The following DIP2C variants were observed in gnomAD, a reference collection of about 807,000 sequenced individuals.
DIP2C encodes the protein disco-interacting protein 2 homolog C.
In DIP2C, 33 loss-of-function variants were observed where a neutral mutation model predicts 192.4. The observed-to-expected ratio is 0.17, with a 90% CI of 0.13 to 0.23. The LOEUF is 0.23. Among genes scored for constraint, DIP2C ranks in the 10% least tolerant of loss-of-function variants. DIP2C has a pLI of 1.00. For missense variants in DIP2C, 1,537 were observed against 2,110.1 expected (o/e 0.73, Z 5.32); for synonymous variants, 979 against 864.1 (o/e 1.13, Z -2.33).
chr10:568,285 C>CTT (rs1849563648), intron 1 of DIP2C, among the ~76,000 whole-genome samples: 1 of 152,218 alleles, frequency 6.6e-6, no homozygotes. Context: ...ACCTGCAGTG[C>CTT]TTTCTCCTTG....
intron 3 of DIP2C, among the ~76,000 whole-genome samples, chr10:471,814 G>A (rs542156968): frequency 1.8e-4 from 27 of 152,212 alleles, no homozygotes; most frequent in South Asian, 1.0e-3. Flanking sequence ...GTGCAGTGGC[G>A]TGATCTCGGC....
chr10:409,755 A>C (rs922042121), intron 8 of DIP2C, among the ~76,000 whole-genome samples: 1 of 152,340 alleles, frequency 6.6e-6, no homozygotes, highest in South Asian at 2.1e-4. Flanking sequence ...CTCACCTTCA[A>C]ACTTTCCTAA....
chr10:285,169 A>AC (rs1050120899), intron 34 of DIP2C, among the ~76,000 whole-genome samples: 4 of 151,744 alleles, frequency 2.6e-5, no homozygotes, highest in South Asian at 2.1e-4. Flanking sequence ...AAAAAAAAAA[A>AC]AACACAAGGC....
chr10:348,914 A>C, intron 25 of DIP2C, 152 bp from the exon 26 acceptor site: 1 of 1,193,786 alleles, frequency 8.4e-7, no homozygotes, highest in Non-Finnish European at 1.2e-6. Context: ...GGGTTTTGTC[A>C]GCTTTGGCGG....
At chr10:678,457 GCA>G (rs1830948787) in intron 1 of DIP2C, among the ~76,000 whole-genome samples, 1 of 151,062 alleles carries the variant, frequency 6.6e-6, no homozygotes, top group Non-Finnish European at 1.5e-5. Context: ...AGCAGAGGAA[GCA>G]CACACGCACT....
At chr10:452,675 C>T (rs1180097559) in intron 3 of DIP2C, among the ~76,000 whole-genome samples, 2 of 152,210 alleles carry the variant, frequency 1.3e-5, no homozygotes, top group East Asian at 1.9e-4. Context: ...TGGTTCCTCT[C>T]GCTGCTCCTC....
At chr10:585,946 C>T (rs567183441) in intron 1 of DIP2C, among the ~76,000 whole-genome samples, 2 of 152,256 alleles carry the variant, frequency 1.3e-5, no homozygotes, top group South Asian at 4.1e-4. Flanking sequence ...TATCCAACTG[C>T]TGTAAAAGGA....
intron 18 of DIP2C, among the ~76,000 whole-genome samples, chr10:366,972 A>T (rs1270289355): frequency 1.3e-5 from 2 of 152,130 alleles, no homozygotes; most frequent in East Asian, 1.9e-4. Flanking sequence ...GCAATCCACA[A>T]ATCTGATTAG....
chr10:426,244 A>T (rs1400130373), intron 4 of DIP2C, among the ~76,000 whole-genome samples: 2 of 152,246 alleles, frequency 1.3e-5, no homozygotes, highest in Non-Finnish European at 2.9e-5. Context: ...TTCCATTCAC[A>T]GTAACATCAA....
At chr10:637,117 A>C (rs115655130) in intron 1 of DIP2C, among the ~76,000 whole-genome samples, 2 of 152,392 alleles carry the variant, frequency 1.3e-5, no homozygotes, top group South Asian at 4.1e-4. Context: ...CCACCTGCGT[A>C]AGATGGTGAC....
chr10:335,857 A>G (rs1957740372), intron 29 of DIP2C, among the ~76,000 whole-genome samples: 1 of 152,160 alleles, frequency 6.6e-6, no homozygotes, highest in Admixed American at 6.5e-5. Context: ...GTGTATCTGA[A>G]TAGTTGGAAA....
chr10:552,651 C>A (rs1290132220), intron 1 of DIP2C, among the ~76,000 whole-genome samples: 1 of 152,170 alleles, frequency 6.6e-6, no homozygotes, highest in Non-Finnish European at 1.5e-5. Context: ...GAGATCTAGA[C>A]CATCCTGGCT....
chr10:583,973 G>A (rs769318096), intron 1 of DIP2C, among the ~76,000 whole-genome samples: 2 of 152,164 alleles, frequency 1.3e-5, no homozygotes, highest in Non-Finnish European at 2.9e-5. Context: ...AGAGAGAGGC[G>A]CGGGGGCCAG....
intron 4 of DIP2C, among the ~76,000 whole-genome samples, chr10:426,530 G>C (rs1966608475): frequency 6.6e-6 from 1 of 152,148 alleles, no homozygotes; most frequent in South Asian, 2.1e-4. Context: ...GAAATACAAA[G>C]GACCTACAAT....
At chr10:650,998 T>C in intron 1 of DIP2C, 3 of 717,430 alleles carry the variant, frequency 4.2e-6, no homozygotes, top group Non-Finnish European at 5.2e-6. Context: ...TCTCTCCCGG[T>C]GCCAGGGCTC....
chr10:443,971 C>G (rs1967945887), intron 3 of DIP2C, among the ~76,000 whole-genome samples: 1 of 152,198 alleles, frequency 6.6e-6, no homozygotes, highest in South Asian at 2.1e-4. Context: ...GGAAATCTAC[C>G]TATTACCCTG....
intron 9 of DIP2C, among the ~76,000 whole-genome samples, chr10:407,109 A>G (rs539321490): frequency 2.6e-5 from 4 of 152,356 alleles, no homozygotes; most frequent in African/African-American, 7.2e-5. Flanking sequence ...TCTCCCGCAC[A>G]GCCAGCTCTG....
chr10:662,047 G>T (rs1856793327), intron 1 of DIP2C: 2 of 716,702 alleles, frequency 2.8e-6, no homozygotes, highest in Non-Finnish European at 2.6e-6. Flanking sequence ...GTCCCCCGTG[G>T]CTCCACAGCA....
At chr10:321,530 CG>C (rs11334283) in intron 31 of DIP2C, among the ~76,000 whole-genome samples, 8,340 of 84,898 alleles carry the variant, frequency 0.098, 570 homozygotes, top group East Asian at 0.22. Context: ...GGAAGGCCTG[CG>C]GGGGCTCCAG....
Sources: allele counts gnomAD v4.1 joint callset (sites outside exome capture counted in the v4.1 genomes callset), GRCh38; gene constraint gnomAD v4.1.1; transcripts MANE v1.5; gene names NCBI Gene and HGNC (gene_info 2026-07-23, HGNC 2026-07-21).